KIF23: variants seen among roughly 807,000 people sequenced by gnomAD.
KIF23 encodes kinesin-like protein KIF23.
Under a neutral mutation model 137.5 loss-of-function variants are expected in KIF23, and 30 were observed. The observed-to-expected ratio is 0.22, with a 90% CI of 0.16 to 0.30. KIF23 has a LOEUF of 0.30. Ranked by LOEUF, KIF23 falls within the 10% of genes least tolerant of loss-of-function variation. KIF23 has a pLI of 1.00. For missense variants in KIF23, 920 were observed against 1,194.3 expected (o/e 0.77, Z 3.38); for synonymous variants, 367 against 391.1 (o/e 0.94, Z 0.73).
Position 69,436,737 on chromosome 15 carries a change from A to T in KIF23, c.1597+15A>T. On this transcript the variant is annotated intron_variant, in intron 15 of 23. Coordinates refer to ENST00000679126, the MANE Select transcript of KIF23 (RefSeq NM_001367805.3). ...TAACAAACAATGTAAGGGCAAAACT[A>T]TTTGAAATAATTTTATTTAATTATT... 7.0e-7 allele frequency: 1 copy of T among 1,425,516 alleles called. No individual in the cohort carries two copies. Among genetic ancestry groups the T allele is most frequent in the Non-Finnish European group, 9.4e-7 (1 of 1,068,248 alleles). 88.3% of individuals were successfully genotyped at this position (1,425,516 alleles called of 1,614,324 possible).
In KIF23 at chr15:69,447,784, T is replaced by C. The variant is rs762319446; in HGVS notation, c.2910-8T>C. On this transcript the variant is annotated splice_region_variant and splice_polypyrimidine_tract_variant and intron_variant, in intron 23 of 23. Transcript: ENST00000679126. Reference sequence around the variant, plus strand: ...GTTCAACTCTAAGTGCTGGTTGTTATGTTTTAGGCGCAAAAAGCCATGAAC... The same window carrying C: ...GTTCAACTCTAAGTGCTGGTTGTTACGTTTTAGGCGCAAAAAGCCATGAAC... 1.1e-5 allele frequency: 17 copies of C among 1,602,546 alleles called. No homozygotes were observed. The Admixed American group carries it at 2.0e-4, about 19-fold the overall frequency.
intron 1 of KIF23, among the ~76,000 whole-genome samples, chr15:69,415,509 T>C (rs993390131): frequency 3.3e-5 from 5 of 152,214 alleles, no homozygotes; most frequent in Non-Finnish European, 7.3e-5. Context: ...ATTGGCAGTT[T>C]GGGACCAGAT....
In KIF23 at chr15:69,426,050, C is replaced by CTTTTT. The variant is rs751694295; in HGVS notation, c.777-16_777-12dup. On this transcript the variant is annotated intron_variant, in intron 8 of 23. Coordinates refer to ENST00000679126, the MANE Select transcript of KIF23 (RefSeq NM_001367805.3). Reference sequence around the variant, plus strand: ...GCATCTCATAATTTAGGAGACTAATCTTTTTTTTCTTTCCCATAGACCTCC... The same window carrying CTTTTT: ...GCATCTCATAATTTAGGAGACTAATCTTTTTTTTTTTTTCTTTCCCATAGACCTCC... The CTTTTT allele has an allele frequency of 6.8e-7, 1 of 1,475,238 alleles. No homozygotes were observed. 91.4% of individuals were successfully genotyped at this position (1,475,238 alleles called of 1,614,324 possible). A position where few individuals can be genotyped will look rare whatever the true frequency, so the allele number is the denominator to read the frequency against.
intron 2 of KIF23, 108 bp from the exon 3 acceptor site, chr15:69,417,275 A>C (rs2056938718): frequency 9.3e-7 from 1 of 1,078,112 alleles, no homozygotes; most frequent in African/African-American, 1.6e-5. Context: ...AGAGCTCTTA[A>C]ATTGAGAGAC....
Position 69,443,598 on chromosome 15 carries a change from A to G in KIF23, c.2422-1192A>G, listed in dbSNP as rs559266693. On this transcript the variant is annotated intron_variant, in intron 19 of 23. Coordinates refer to ENST00000679126, the MANE Select transcript of KIF23 (RefSeq NM_001367805.3). ...CCACCTCAGCCTCACAAATGTTGGG[A>G]TAACAGGTATGAGCCACTGCACCCA... 1.8e-4 allele frequency: 28 copies of G among 152,028 alleles called. No homozygotes were observed. The East Asian group carries it at 5.2e-3, about 28-fold the overall frequency. The allele number at this position is 152,028 out of a possible 1,614,324, so 9.4% of individuals were successfully genotyped here.
intron 11 of KIF23, among the ~76,000 whole-genome samples, chr15:69,433,946 A>G (rs999511057): frequency 1.2e-4 from 18 of 152,204 alleles, no homozygotes; most frequent in Admixed American, 1.1e-3. Context: ...CATTTCCCTG[A>G]TAAGAATCAT....
At position 69,440,076 on chromosome 15, in the gene KIF23, G is replaced by A. The variant is rs1414006391; in HGVS notation, c.1928G>A (p.Cys643Tyr). ...ACGACAATGAAGTGGGAGAAAGAAT[G>A]TGTGAGTATCGTTTGGGTAGTGCTT... is the stretch of plus-strand genomic sequence containing the variant. ...TETTMKWEKE[C>Y]ERRVAAKQLE... The change falls in exon 17 of 24, where the codon TGT becomes TAT. Residue 643 changes from cysteine (C) to tyrosine (Y), a missense_variant and splice_region_variant. By Grantham distance (194) the Cys-to-Tyr change is radical. Coordinates refer to ENST00000679126, the MANE Select transcript of KIF23 (RefSeq NM_001367805.3). 6.2e-7 allele frequency: 1 copy of A among 1,613,174 alleles called. No individual in the cohort carries two copies. The highest frequency in any genetic ancestry group is 1.3e-5 in the African/African-American group (1 of 74,876).
chr15:69,421,763 A>G lies in KIF23; in HGVS notation c.316+11A>G. 1 of 1,559,446 alleles carries G rather than the reference A, an allele frequency of 6.4e-7. No homozygotes were observed. Among genetic ancestry groups the G allele is most frequent in the Non-Finnish European group, 8.8e-7 (1 of 1,138,002 alleles). Reference sequence around the variant, plus strand: ...TTCATGGCAAAAATGGTATGATATGACTCTTGGAGTTTTGTTAGATTTTCC... The same window carrying G: ...TTCATGGCAAAAATGGTATGATATGGCTCTTGGAGTTTTGTTAGATTTTCC... On this transcript the variant is annotated intron_variant, in intron 4 of 23. Coordinates refer to ENST00000679126, the MANE Select transcript of KIF23 (RefSeq NM_001367805.3).
chr15:69,415,725 C>G (rs926178726), intron 1 of KIF23, among the ~76,000 whole-genome samples: 2 of 152,086 alleles, frequency 1.3e-5, no homozygotes, highest in Non-Finnish European at 2.9e-5. Context: ...AATATGCAAG[C>G]CATTTTAAGT....
At chr15:69,434,484 C>T (rs1418207052) in intron 11 of KIF23, 9 of 604,636 alleles carry the variant, frequency 1.5e-5, no homozygotes, top group Non-Finnish European at 2.7e-5. Context: ...GGCCTTTCCA[C>T]CTTCAATCTC....
chr15:69,417,515 A>G lies in KIF23; in HGVS notation c.210+4A>G. ...CCGAAATGGAGACTATAAGGAGGTA[A>G]TTCTGATTTGGACCAAGTTGTTTTT... On this transcript the variant is annotated splice_donor_region_variant and intron_variant, in intron 3 of 23. Transcript: ENST00000679126. 6.2e-7 allele frequency: 1 copy of G among 1,608,708 alleles called. No individual in the cohort carries two copies. The highest frequency in any genetic ancestry group is 1.3e-5 in the African/African-American group (1 of 74,854).
At position 69,426,350 on chromosome 15, in the gene KIF23, C is replaced by T. The variant is rs2057190916; in HGVS notation, c.904C>T (p.Arg302Cys). 1 of 1,614,042 alleles carries T rather than the reference C, an allele frequency of 6.2e-7. No homozygotes were observed. Among genetic ancestry groups the T allele is most frequent in the Non-Finnish European group, 8.5e-7 (1 of 1,179,974 alleles). Residue 302 changes from arginine (R) to cysteine (C), a missense_variant, in exon 10 of 24, where the codon CGT (arginine) becomes TGT (cysteine). By Grantham distance (180) the Arg-to-Cys change is radical. Coordinates refer to ENST00000679126, the MANE Select transcript of KIF23 (RefSeq NM_001367805.3). ...EVFWRGQKKR[R>C]IANTHLNRES... ...TGTTGTCCTAGGCCAGAAAAAGAGA[C>T]GTATTGCTAATACCCATTTGAATCG...
chr15:69,425,403 G>T (rs2057164555), intron 8 of KIF23, 80 bp downstream of exon 8: 2 of 1,268,610 alleles, frequency 1.6e-6, no homozygotes, highest in East Asian at 2.5e-5. Context: ...ATGTTTGCAT[G>T]TAGGTTATTT....
intron 3 of KIF23, among the ~76,000 whole-genome samples, chr15:69,418,744 G>A (rs1403673460): frequency 6.6e-6 from 1 of 152,136 alleles, no homozygotes; most frequent in Non-Finnish European, 1.5e-5. Flanking sequence ...AGATGGAACT[G>A]CCCGTGTGAG....
chr15:69,425,162 A>G (rs938054247), intron 7 of KIF23, 120 bp from the exon 8 acceptor site: 39 of 715,606 alleles, frequency 5.4e-5, no homozygotes, highest in Non-Finnish European at 7.7e-5. Context: ...ATGAAAAACT[A>G]TTACAAGTGG....
In KIF23 at chr15:69,440,399, A is replaced by C. The variant is rs770810752; in HGVS notation, c.2021A>C (p.Glu674Ala). Residue 674 changes from glutamate (E) to alanine (A), a missense_variant, in exon 18 of 24, where the codon GAA becomes GCA. Glu to Ala is a moderately radical substitution (Grantham distance 107). Transcript: ENST00000679126. ...AAACAACTGAAGGCTATTGTTACCGAACCTAAAACTGAGAAGCCAGAGAGA... is the reference window on the plus strand; with the variant it reads ...AAACAACTGAAGGCTATTGTTACCGCACCTAAAACTGAGAAGCCAGAGAGA... Reference protein sequence around the residue: ...KLKQLKAIVTEPKTEKPERPS... With the variant: ...KLKQLKAIVTAPKTEKPERPS... The C allele has an allele frequency of 6.2e-7, 1 of 1,613,932 alleles. No individual in the cohort carries two copies.
Position 69,422,183 on chromosome 15 carries a change from A to T in KIF23, c.453+55A>T, listed in dbSNP as rs374913132. The T allele has an allele frequency of 3.7e-4, 580 of 1,580,476 alleles. 1 individual carries two copies. In the African/African-American group the frequency reaches 7.4e-3, roughly 20 times the overall value. Reference sequence around the variant, plus strand: ...TCTTACTGGACTAAGACACCTATGGATACAGTAGTAGTAAAGAAGAACCAA... The same window carrying T: ...TCTTACTGGACTAAGACACCTATGGTTACAGTAGTAGTAAAGAAGAACCAA... On this transcript the variant is annotated intron_variant, in intron 5 of 23. Transcript: ENST00000679126.
Position 69,435,770 on chromosome 15 carries a change from T to C in KIF23, c.1313T>C (p.Leu438Ser), listed in dbSNP as rs749317920. 1 of 1,613,574 alleles carries C rather than the reference T, an allele frequency of 6.2e-7. No individual in the cohort carries two copies. Among genetic ancestry groups the C allele is most frequent in the Admixed American group, 1.7e-5 (1 of 59,872 alleles). The change falls in exon 13 of 24, where the codon TTG becomes TCG. Residue 438 changes from leucine to serine, a missense_variant and splice_region_variant. Physicochemically the swap from Leu to Ser is moderately radical, Grantham distance 145. Coordinates refer to ENST00000679126, the MANE Select transcript of KIF23 (RefSeq NM_001367805.3). ...AAGGCTGAAGATTATGAAGAAAACTTGGTAATTTTAATGTATTTGTCCTAT... is the reference window on the plus strand; with the variant it reads ...AAGGCTGAAGATTATGAAGAAAACTCGGTAATTTTAATGTATTTGTCCTAT... ...NPKAEDYEENLQVMRFAEVTQ... is the reference protein window; with the variant it reads ...NPKAEDYEENSQVMRFAEVTQ...
chr15:69,433,283 G>T (rs2057398313), intron 11 of KIF23, among the ~76,000 whole-genome samples: 1 of 152,202 alleles, frequency 6.6e-6, no homozygotes, highest in South Asian at 2.1e-4. Flanking sequence ...AAGCATAATC[G>T]AGTTAGCTGA....
Sources: allele counts gnomAD v4.1 joint callset (sites outside exome capture counted in the v4.1 genomes callset), GRCh38; gene constraint gnomAD v4.1.1; transcripts MANE v1.5; gene names NCBI Gene and HGNC (gene_info 2026-07-23, HGNC 2026-07-21).